GRM8: variants seen among roughly 807,000 people sequenced by gnomAD.
GRM8 encodes metabotropic glutamate receptor 8.
A neutral mutation model predicts 87.2 loss-of-function variants in GRM8; 47 were observed. The observed-to-expected ratio is 0.54, with a 90% CI of 0.43 to 0.69. GRM8 has a LOEUF of 0.69. Ranked by LOEUF, GRM8 falls within the 30% of genes least tolerant of loss-of-function variation. The probability of loss-of-function intolerance (pLI) is 0.00; values close to 1 mark genes in which losing one functional copy is unlikely to be tolerated. For missense variants in GRM8, 1,019 were observed against 1,139.2 expected (o/e 0.89, Z 1.52); for synonymous variants, 396 against 404.5 (o/e 0.98, Z 0.25).
At chr7:126,805,052 A>G (rs1381843629) in intron 6 of GRM8, among the ~76,000 whole-genome samples, 3 of 152,140 alleles carry the variant, frequency 2.0e-5, no homozygotes, top group Non-Finnish European at 4.4e-5. Context: ...TACCAATCCC[A>G]ATGGTCAGCC....
chr7:127,095,415 T>C (rs1225314878), intron 3 of GRM8, among the ~76,000 whole-genome samples: 1 of 152,144 alleles, frequency 6.6e-6, no homozygotes, highest in Non-Finnish European at 1.5e-5. Flanking sequence ...AAGCAGGGAC[T>C]AATAGTGTCA....
intron 8 of GRM8, among the ~76,000 whole-genome samples, chr7:126,586,509 C>A (rs530256510): frequency 2.0e-5 from 3 of 152,004 alleles, no homozygotes; most frequent in African/African-American, 7.2e-5. Context: ...AGAACAGAGC[C>A]CTCAGAAATA....
intron 8 of GRM8, among the ~76,000 whole-genome samples, chr7:126,590,463 G>A (rs969616433): frequency 8.5e-5 from 13 of 152,154 alleles, no homozygotes; most frequent in African/African-American, 2.6e-4. Flanking sequence ...GAGAATAATC[G>A]AGGAAAACTT....
chr7:126,610,875 T>C lies in GRM8; in HGVS notation c.1358-1377A>G, dbSNP rs1162593205. 2.6e-5 allele frequency among the ~76,000 whole-genome samples: 4 copies of C among 152,336 alleles called. No homozygotes were observed. In the East Asian group the frequency reaches 7.7e-4, roughly 29 times the overall value. The stretch of plus-strand genomic sequence containing the variant: ...ACAGACATCTGGTATCATCAGGAAC[T>C]GCTGAGGCTGCAAGAGATGGCACCG... On this transcript the variant is annotated intron_variant, in intron 7 of 10. Transcript: ENST00000339582.
intron 9 of GRM8, among the ~76,000 whole-genome samples, chr7:126,482,850 G>C (rs1210703056): frequency 6.6e-6 from 1 of 151,632 alleles, no homozygotes; most frequent in Non-Finnish European, 1.5e-5. Context: ...ATTTTAAAGG[G>C]GAAAAACATG....
At chr7:126,833,565 G>A (rs1795582507) in intron 6 of GRM8, among the ~76,000 whole-genome samples, 1 of 152,186 alleles carries the variant, frequency 6.6e-6, no homozygotes, top group African/African-American at 2.4e-5. Context: ...CTAGCTTGCA[G>A]ATGGCTGCCT....
intron 3 of GRM8, among the ~76,000 whole-genome samples, chr7:126,926,933 C>T (rs1204530455): frequency 6.6e-6 from 1 of 152,204 alleles, no homozygotes; most frequent in East Asian, 1.9e-4. Flanking sequence ...ATTTTCCCAA[C>T]CAGCCTATTG....
rs550952676 is a variant in GRM8, at chr7:126,909,615, G to T, written c.728-4932C>A. Among the ~76,000 whole-genome samples, 278 of 152,216 alleles carry T rather than the reference G, an allele frequency of 1.8e-3. 1 individual carries two copies. Among genetic ancestry groups the T allele is most frequent in the Non-Finnish European group, 3.1e-3 (210 of 67,992 alleles). ...ATTGGCTGTTTTCTAGAATTTCCTG[G>T]CTAGTTTCCTTGCAGCCTGTGTATT... On this transcript the variant is annotated intron_variant, in intron 3 of 10. Coordinates refer to ENST00000339582, the MANE Select transcript of GRM8 (RefSeq NM_000845.3).
intron 7 of GRM8, among the ~76,000 whole-genome samples, chr7:126,651,103 T>C (rs1488843408): frequency 6.6e-6 from 1 of 152,136 alleles, no homozygotes; most frequent in South Asian, 2.1e-4. Flanking sequence ...ACTCCAGATA[T>C]GAGTTTGCCT....
At chr7:127,127,689 T>C (rs1827446435) in intron 2 of GRM8, among the ~76,000 whole-genome samples, 1 of 152,068 alleles carries the variant, frequency 6.6e-6, no homozygotes, top group East Asian at 1.9e-4. Context: ...AAAAATGCTA[T>C]ATCTTGATTG....
intron 9 of GRM8, among the ~76,000 whole-genome samples, chr7:126,466,828 T>A (rs1478036753): frequency 6.6e-6 from 1 of 151,850 alleles, no homozygotes; most frequent in African/African-American, 2.4e-5. Flanking sequence ...CAAATGCTAA[T>A]CTCTTCTGGA....
At chr7:127,009,201 T>G (rs752569148) in intron 3 of GRM8, among the ~76,000 whole-genome samples, 10 of 152,128 alleles carry the variant, frequency 6.6e-5, no homozygotes, top group Non-Finnish European at 1.3e-4. Context: ...AGAATCAAAC[T>G]GATTGTGTTT....
chr7:126,991,936 G>T (rs1304079158), intron 3 of GRM8, among the ~76,000 whole-genome samples: 1 of 152,128 alleles, frequency 6.6e-6, no homozygotes, highest in Non-Finnish European at 1.5e-5. Flanking sequence ...AAAGTCAATA[G>T]CATGACATTA....
chr7:126,889,533 A>T (rs1800803827), intron 6 of GRM8, among the ~76,000 whole-genome samples: 1 of 152,138 alleles, frequency 6.6e-6, no homozygotes, highest in African/African-American at 2.4e-5. Context: ...ACTAGAGGGC[A>T]TGTTGTTAAA....
intron 7 of GRM8, among the ~76,000 whole-genome samples, chr7:126,678,839 C>G (rs1807256679): frequency 6.6e-6 from 1 of 152,078 alleles, no homozygotes; most frequent in Admixed American, 6.6e-5. Flanking sequence ...GCACTCGGTC[C>G]TCTCTATTGT....
intron 7 of GRM8, among the ~76,000 whole-genome samples, chr7:126,733,765 G>C (rs10259217): frequency 0.33 from 49,336 of 151,634 alleles, 8,644 homozygotes; most frequent in Non-Finnish European, 0.38. Flanking sequence ...TCATTTTTAG[G>C]ATGGTCAACA....
intron 3 of GRM8, among the ~76,000 whole-genome samples, chr7:126,999,911 G>A (rs958356679): frequency 6.6e-6 from 1 of 151,782 alleles, no homozygotes; most frequent in African/African-American, 2.4e-5. Context: ...AAAGAAATCA[G>A]TATATCAAAG....
chr7:126,884,729 C>T (rs912599908), intron 6 of GRM8, among the ~76,000 whole-genome samples: 2 of 152,114 alleles, frequency 1.3e-5, no homozygotes, highest in Non-Finnish European at 2.9e-5. Flanking sequence ...ATGTGACAGG[C>T]ACAGTGGCCA....
At chr7:127,170,198 A>T (rs2116314699) in intron 2 of GRM8, among the ~76,000 whole-genome samples, 1 of 152,356 alleles carries the variant, frequency 6.6e-6, no homozygotes, top group East Asian at 1.9e-4. Context: ...GACAGTTCTC[A>T]AAAGAAGATA....
Sources: allele counts gnomAD v4.1 joint callset (sites outside exome capture counted in the v4.1 genomes callset), GRCh38; gene constraint gnomAD v4.1.1; transcripts MANE v1.5; gene names NCBI Gene and HGNC (gene_info 2026-07-23, HGNC 2026-07-21).